The following CTNNA3 variants were observed in gnomAD, a reference collection of about 807,000 sequenced individuals.
The protein encoded by CTNNA3 is catenin alpha-3.
CTNNA3 carries 76 observed loss-of-function variants against 95.7 expected under a neutral mutation model. The ratio of observed to expected loss-of-function variants is 0.79; its 90% CI spans 0.66 to 0.96. The LOEUF is 0.96. Among genes scored for constraint, CTNNA3 ranks in the 40% least tolerant of loss-of-function variants. CTNNA3 has a pLI of 0.00. For synonymous variants in CTNNA3, 431 were observed against 374.4 expected (o/e 1.15, Z -1.74); for missense variants, 1,191 against 1,089.8 (o/e 1.09, Z -1.31).
At chr10:66,313,069 G>C (rs965913259) in intron 12 of CTNNA3, among the ~76,000 whole-genome samples, 7 of 152,202 alleles carry the variant, frequency 4.6e-5, no homozygotes, top group African/African-American at 1.2e-4. Flanking sequence ...ATTGAGAAGA[G>C]AGAGAGTGTA....
At chr10:66,182,256 CTTT>C (rs570667950) in intron 13 of CTNNA3, among the ~76,000 whole-genome samples, 4 of 134,542 alleles carry the variant, frequency 3.0e-5, no homozygotes, top group Non-Finnish European at 4.8e-5. Flanking sequence ...GGATACATTT[CTTT>C]TTTTTTTTTT....
intron 13 of CTNNA3, among the ~76,000 whole-genome samples, chr10:66,242,898 A>C (rs2090164743): frequency 6.6e-6 from 1 of 152,252 alleles, no homozygotes. Context: ...TAATAGAAGA[A>C]TGGATAAATA....
chr10:66,337,096 A>G (rs913223050), intron 12 of CTNNA3, among the ~76,000 whole-genome samples: 7 of 152,148 alleles, frequency 4.6e-5, no homozygotes, highest in Non-Finnish European at 1.0e-4. Flanking sequence ...TTCTAAACAT[A>G]TATTTATTTT....
At chr10:66,765,733 T>G (rs1839821062) in intron 9 of CTNNA3, among the ~76,000 whole-genome samples, 1 of 152,130 alleles carries the variant, frequency 6.6e-6, no homozygotes, top group Non-Finnish European at 1.5e-5. Flanking sequence ...CATTCCCATG[T>G]CTCTAGTTTC....
intron 9 of CTNNA3, among the ~76,000 whole-genome samples, chr10:66,705,329 A>T (rs1185184832): frequency 1.3e-5 from 2 of 151,946 alleles, no homozygotes; most frequent in Non-Finnish European, 2.9e-5. Context: ...AATTTTTTAT[A>T]ATGTCTTTGG....
In CTNNA3 at chr10:67,726,032, A is replaced by C. The variant is rs1307848230; in HGVS notation, c.-2+37402T>G. On this transcript the variant is annotated intron_variant, in intron 1 of 17. Coordinates refer to the CTNNA3 transcript ENST00000684154. ...TCTAAATCCACATATTTATAAATGG[A>C]ATTCTATTATATACAATTATTAATA... is the stretch of plus-strand genomic sequence containing the variant. Among the ~76,000 whole-genome samples the C allele has an allele frequency of 2.3e-5, 3 of 132,632 alleles. No individual in the cohort carries two copies. In the Admixed American group the frequency reaches 2.6e-4, roughly 11 times the overall value. The allele number at this position is 132,632 out of a possible 152,430, so 87.0% of individuals were successfully genotyped here. A position where few individuals can be genotyped will look rare whatever the true frequency, so the allele number is the denominator to read the frequency against.
At chr10:66,495,312 A>G (rs1840064349) in intron 11 of CTNNA3, among the ~76,000 whole-genome samples, 1 of 152,160 alleles carries the variant, frequency 6.6e-6, no homozygotes. Context: ...ATTTTATCTG[A>G]AAAAAATCAG....
chr10:67,035,499 G>C (rs1217388837), intron 7 of CTNNA3, among the ~76,000 whole-genome samples: 1 of 152,090 alleles, frequency 6.6e-6, no homozygotes, highest in Non-Finnish European at 1.5e-5. Flanking sequence ...AGAAAGTAAA[G>C]AATATAGGAG....
intron 3 of CTNNA3, among the ~76,000 whole-genome samples, chr10:67,597,741 CAGGGCAGTGGT>C (rs1312016865): frequency 5.9e-5 from 9 of 152,302 alleles, no homozygotes; most frequent in African/African-American, 1.7e-4. Context: ...CCTGCAGCAA[CAGGGCAGTGGT>C]AGGGCGGTGG....
Position 67,689,296 on chromosome 10 carries a change from C to A in CTNNA3, c.-6+6704G>T, listed in dbSNP as rs902185254. Among the ~76,000 whole-genome samples the A allele has an allele frequency of 4.6e-5, 7 of 152,238 alleles. No homozygotes were observed. In the South Asian group the frequency reaches 1.5e-3, roughly 32 times the overall value. On this transcript the variant is annotated intron_variant, in intron 1 of 17. Coordinates refer to ENST00000433211, the MANE Select transcript of CTNNA3 (RefSeq NM_013266.4). The stretch of plus-strand genomic sequence containing the variant: ...AGCTTCAGGAATAGCTTTTGTTAGG[C>A]CTGCTTGTCTGAAGAGGGATCCTAA...
At chr10:66,063,213 TAG>T (rs1366501882) in intron 15 of CTNNA3, among the ~76,000 whole-genome samples, 943 of 73,780 alleles carry the variant, frequency 0.013, 12 homozygotes, top group African/African-American at 0.039. Context: ...TATATATATA[TAG>T]ATATAGATAT....
intron 14 of CTNNA3, among the ~76,000 whole-genome samples, chr10:66,088,531 G>A (rs1310547978): frequency 4.4e-5 from 6 of 136,950 alleles, no homozygotes; most frequent in African/African-American, 1.3e-4. Flanking sequence ...GTGTGTGTGT[G>A]TATACTGAGT....
intron 11 of CTNNA3, among the ~76,000 whole-genome samples, chr10:66,462,612 T>A (rs531341900): frequency 1.0e-3 from 156 of 152,228 alleles, no homozygotes; most frequent in Non-Finnish European, 1.9e-3. Flanking sequence ...ATACTAAAAA[T>A]AATAATACAA....
intron 13 of CTNNA3, among the ~76,000 whole-genome samples, chr10:66,241,463 G>T (rs566366118): frequency 4.6e-5 from 7 of 152,124 alleles, no homozygotes; most frequent in African/African-American, 9.6e-5. Flanking sequence ...TCCTTCAAAT[G>T]GTCTTACAAC....
intron 13 of CTNNA3, among the ~76,000 whole-genome samples, chr10:66,272,738 A>C (rs1441861046): frequency 6.6e-6 from 1 of 152,292 alleles, no homozygotes; most frequent in Non-Finnish European, 1.5e-5. Context: ...CTCACTTAGC[A>C]TATACTTATT....
chr10:66,281,835 G>A (rs893635102), intron 12 of CTNNA3, among the ~76,000 whole-genome samples: 8 of 151,504 alleles, frequency 5.3e-5, no homozygotes, highest in African/African-American at 1.9e-4. Context: ...CTTTCCTCTA[G>A]CTGCCAAAAT....
intron 7 of CTNNA3, among the ~76,000 whole-genome samples, chr10:67,002,689 T>C (rs1453935499): frequency 6.6e-6 from 1 of 152,108 alleles, no homozygotes; most frequent in African/African-American, 2.4e-5. Context: ...TAAAACTTGT[T>C]TCCAAAAATC....
chr10:66,855,300 T>G (rs778127879), intron 7 of CTNNA3, among the ~76,000 whole-genome samples: 3 of 152,008 alleles, frequency 2.0e-5, no homozygotes. Flanking sequence ...AATCAAGATC[T>G]CTATCCGTGG....
chr10:67,279,472 G>A (rs950384469), intron 5 of CTNNA3, among the ~76,000 whole-genome samples: 7 of 151,112 alleles, frequency 4.6e-5, no homozygotes, highest in African/African-American at 7.4e-5. Context: ...GGGGGAAAGC[G>A]GGCTGGAGGG....
Sources: allele counts gnomAD v4.1 joint callset (sites outside exome capture counted in the v4.1 genomes callset), GRCh38; gene constraint gnomAD v4.1.1; transcripts MANE v1.5; gene names NCBI Gene and HGNC (gene_info 2026-07-23, HGNC 2026-07-21).